The following OXR1 variants were observed in gnomAD, a reference collection of about 807,000 sequenced individuals.
OXR1 encodes the protein oxidation resistance protein 1.
A neutral mutation model predicts 104.6 loss-of-function variants in OXR1; 41 were observed. The observed-to-expected ratio is 0.39, with a 90% CI of 0.31 to 0.51. OXR1 has a LOEUF of 0.51. Among genes scored for constraint, OXR1 ranks in the 20% least tolerant of loss-of-function variants. The pLI is 0.77. For synonymous variants in OXR1, 348 were observed against 348.4 expected, an observed-to-expected ratio of 1.00 and a Z score of 0.01; for missense variants, 955 against 1,031.9, an observed-to-expected ratio of 0.93 and a Z score of 1.02.
chr8:106,334,018 T>C (rs1814846675), intron 1 of OXR1, among the ~76,000 whole-genome samples: 1 of 152,200 alleles, frequency 6.6e-6, no homozygotes, highest in African/African-American at 2.4e-5. Flanking sequence ...AGTTGAAATT[T>C]GTGGAGGAAT....
Position 106,720,726 on chromosome 8 carries a change from C to CA in OXR1, c.1956+6747dup, listed in dbSNP as rs373120443. ...AGAGATACTACAAGGAGAGGAAGAT[C>CA]AAAAAACATACCAGGCTGTAAGTCA... On this transcript the variant is annotated intron_variant, in intron 11 of 16. Transcript: ENST00000517566. The CA allele has an allele frequency of 1.0e-4, 99 of 973,818 alleles. No homozygotes were observed. In the African/African-American group the frequency reaches 1.6e-3, roughly 16 times the overall value. The allele number at this position is 973,818 out of a possible 1,614,324, so 60.3% of individuals were successfully genotyped here.
intron 1 of OXR1, among the ~76,000 whole-genome samples, chr8:106,351,548 G>A (rs1487785516): frequency 4.6e-5 from 7 of 152,128 alleles, no homozygotes; most frequent in Admixed American, 6.5e-5. Context: ...AGATGCATTC[G>A]GGAAAATGCA....
At chr8:106,385,780 C>G (rs1817347466) in intron 2 of OXR1, among the ~76,000 whole-genome samples, 1 of 152,050 alleles carries the variant, frequency 6.6e-6, no homozygotes, top group African/African-American at 2.4e-5. Flanking sequence ...CAAAATTGTT[C>G]ATTATGTGGG....
Position 106,664,485 on chromosome 8 carries a change from T to A in OXR1, c.221-14725T>A, listed in dbSNP as rs142132631. ...AAGTAAATATAGAAATGATGAAATTTATTAAATGCTTATATTAATAGTTTT... is the reference window on the plus strand; with the variant it reads ...AAGTAAATATAGAAATGATGAAATTAATTAAATGCTTATATTAATAGTTTT... On this transcript the variant is annotated intron_variant, in intron 3 of 16. Coordinates refer to ENST00000517566, the MANE Select transcript of OXR1 (RefSeq NM_001198533.2). Among the ~76,000 whole-genome samples, 347 of 152,342 alleles carry A rather than the reference T, an allele frequency of 2.3e-3. 1 individual carries two copies. The highest frequency in any genetic ancestry group is 7.7e-3 in the African/African-American group (322 of 41,578).
chr8:106,533,378 T>G (rs1814233526), intron 3 of OXR1, among the ~76,000 whole-genome samples: 2 of 152,212 alleles, frequency 1.3e-5, no homozygotes, highest in Admixed American at 1.3e-4. Context: ...GGATGGGACC[T>G]TGACATCCTG....
At chr8:106,656,577 A>G (rs1324906558) in intron 3 of OXR1, among the ~76,000 whole-genome samples, 1 of 152,204 alleles carries the variant, frequency 6.6e-6, no homozygotes. Context: ...TAGGAAGTGC[A>G]GAAGTCTGGA....
chr8:106,418,674 T>C (rs1007502044), intron 2 of OXR1, among the ~76,000 whole-genome samples: 2 of 152,136 alleles, frequency 1.3e-5, no homozygotes, highest in African/African-American at 4.8e-5. Flanking sequence ...GAATTCATGT[T>C]CACAAGACAA....
At chr8:106,743,457 G>A (rs2131585295) in intron 15 of OXR1, among the ~76,000 whole-genome samples, 1 of 152,278 alleles carries the variant, frequency 6.6e-6, no homozygotes, top group East Asian at 1.9e-4. Context: ...AAGTAGCTGG[G>A]ATTACAGGTG....
At chr8:106,697,933 T>C in intron 7 of OXR1, 4 of 1,612,278 alleles carry the variant, frequency 2.5e-6, no homozygotes, top group Non-Finnish European at 3.4e-6. Flanking sequence ...CAGGATCTGC[T>C]CCAGATCTGC....
chr8:106,656,934 C>G (rs1299802409), intron 3 of OXR1, among the ~76,000 whole-genome samples: 1 of 151,640 alleles, frequency 6.6e-6, no homozygotes, highest in Non-Finnish European at 1.5e-5. Flanking sequence ...GTGGGTAGTT[C>G]ATCAACTTCC....
At chr8:106,627,722 A>G (rs1254205838) in intron 3 of OXR1, among the ~76,000 whole-genome samples, 1 of 152,056 alleles carries the variant, frequency 6.6e-6, no homozygotes, top group Non-Finnish European at 1.5e-5. Flanking sequence ...TTCGGAGATG[A>G]TTAAAACCTC....
At chr8:106,389,231 T>C (rs1017108876) in intron 2 of OXR1, among the ~76,000 whole-genome samples, 41 of 152,242 alleles carry the variant, frequency 2.7e-4, no homozygotes, top group African/African-American at 9.6e-4. Flanking sequence ...CAATGCCTGC[T>C]ACATGCAAAA....
At chr8:106,574,345 G>A (rs1000869795) in intron 3 of OXR1, among the ~76,000 whole-genome samples, 2 of 152,096 alleles carry the variant, frequency 1.3e-5, no homozygotes, top group Non-Finnish European at 2.9e-5. Flanking sequence ...GGTCTAAAAA[G>A]CCTTTGCTGG....
At chr8:106,389,704 T>C (rs762125411) in intron 2 of OXR1, among the ~76,000 whole-genome samples, 4 of 152,212 alleles carry the variant, frequency 2.6e-5, no homozygotes, top group Non-Finnish European at 2.9e-5. Flanking sequence ...TGCCTTCAGA[T>C]ATTAACTGGA....
chr8:106,369,018 A>G (rs1189943775), intron 2 of OXR1, among the ~76,000 whole-genome samples: 4 of 152,212 alleles, frequency 2.6e-5, no homozygotes, highest in South Asian at 2.1e-4. Context: ...ATTCCTACCA[A>G]CAGTGTAAAA....
chr8:106,479,481 C>G (rs994572192), intron 2 of OXR1, among the ~76,000 whole-genome samples: 3 of 151,964 alleles, frequency 2.0e-5, no homozygotes, highest in African/African-American at 7.2e-5. Flanking sequence ...CCACTAAATT[C>G]ACTTACACTG....
chr8:106,494,304 A>G (rs1014658223), intron 2 of OXR1, among the ~76,000 whole-genome samples: 1 of 152,092 alleles, frequency 6.6e-6, no homozygotes, highest in African/African-American at 2.4e-5. Flanking sequence ...TTTTTGTTTC[A>G]GTTTTTGTAG....
chr8:106,513,304 C>T (rs1277018809), intron 2 of OXR1, among the ~76,000 whole-genome samples: 4 of 151,896 alleles, frequency 2.6e-5, no homozygotes, highest in Non-Finnish European at 4.4e-5. Flanking sequence ...AGTCAAGATC[C>T]CTCCTCAAAT....
intron 1 of OXR1, among the ~76,000 whole-genome samples, chr8:106,298,795 A>C (rs548122312): frequency 6.6e-6 from 1 of 152,266 alleles, no homozygotes; most frequent in Admixed American, 6.5e-5. Flanking sequence ...ACCCCAGAAC[A>C]AAAGCAATTG....
Sources: gnomAD v4.1 joint callset for allele counts (sites outside exome capture counted in the v4.1 genomes callset) on GRCh38, gnomAD v4.1.1 for gene constraint, MANE v1.5 for transcripts, NCBI Gene and HGNC (gene_info 2026-07-23, HGNC 2026-07-21) for gene names.